The following ZNF532 variants were observed in gnomAD, a reference collection of about 807,000 sequenced individuals.
The protein encoded by ZNF532 is zinc finger protein 532.
Under a neutral mutation model 89.3 loss-of-function variants are expected in ZNF532, and 22 were observed. The observed-to-expected ratio is 0.25, with a 90% CI of 0.18 to 0.35. ZNF532 has a LOEUF of 0.35. ZNF532 is among the 10% of genes least tolerant of loss of function. The pLI, the probability that ZNF532 is intolerant of heterozygous loss-of-function variation, is 1.00. For synonymous variants in ZNF532, 606 were observed against 649.6 expected (o/e 0.93, Z 1.02); for missense variants, 1,132 against 1,643.4 (o/e 0.69, Z 5.38).
At chr18:58,928,487 C>G (rs965844785) in intron 3 of ZNF532, among the ~76,000 whole-genome samples, 1 of 152,202 alleles carries the variant, frequency 6.6e-6, no homozygotes, top group African/African-American at 2.4e-5. Context: ...GCTCGAGGCT[C>G]TCTGCCATAC....
intron 2 of ZNF532, among the ~76,000 whole-genome samples, chr18:58,890,553 C>A: frequency 6.6e-6 from 1 of 151,064 alleles, no homozygotes; most frequent in Middle Eastern, 3.5e-3. Context: ...TGCTCTGTTA[C>A]AGGAATTCTT....
intron 2 of ZNF532, among the ~76,000 whole-genome samples, chr18:58,902,895 C>A (rs2059691007): frequency 1.3e-5 from 2 of 152,176 alleles, no homozygotes; most frequent in East Asian, 3.8e-4. Context: ...CAGTAGGGAA[C>A]CGGTGCCAGC....
intron 2 of ZNF532, among the ~76,000 whole-genome samples, chr18:58,891,882 G>A (rs1242747530): frequency 6.6e-6 from 1 of 152,130 alleles, no homozygotes; most frequent in Non-Finnish European, 1.5e-5. Flanking sequence ...CCTTGAGTTG[G>A]GGGAAGTAGT....
intron 2 of ZNF532, among the ~76,000 whole-genome samples, chr18:58,882,853 T>C (rs750968767): frequency 5.9e-5 from 9 of 152,220 alleles, no homozygotes; most frequent in Non-Finnish European, 1.0e-4. Context: ...AGCCCTGGAT[T>C]CCCACTTTGA....
intron 4 of ZNF532, among the ~76,000 whole-genome samples, chr18:58,935,822 G>A (rs1377791047): frequency 6.6e-6 from 1 of 151,254 alleles, no homozygotes; most frequent in Middle Eastern, 3.2e-3. Flanking sequence ...TGGTAACTTT[G>A]TTAGATTGTT....
intron 2 of ZNF532, among the ~76,000 whole-genome samples, chr18:58,916,059 C>G (rs765786425): frequency 2.0e-5 from 3 of 152,234 alleles, no homozygotes; most frequent in Non-Finnish European, 2.9e-5. Flanking sequence ...TTTTCAGTCC[C>G]TTTCAACCCT....
At position 58,905,423 on chromosome 18, in the gene ZNF532, C is replaced by G. The variant is rs1288803488; in HGVS notation, c.-17-12848C>G. Among the ~76,000 whole-genome samples, 6 of 134,242 alleles carry G rather than the reference C, an allele frequency of 4.5e-5. 1 individual carries two copies. The South Asian group carries it at 1.4e-3, about 32-fold the overall frequency. The allele number at this position is 134,242 out of a possible 152,430, so 88.1% of individuals were successfully genotyped here. ...TCTTTCTTTTTTTTTTTTTTTAAGACAAGGTCTGGCTCTGTTGCCCAGGCT... is the reference window on the plus strand; with the variant it reads ...TCTTTCTTTTTTTTTTTTTTTAAGAGAAGGTCTGGCTCTGTTGCCCAGGCT... On this transcript the variant is annotated intron_variant, in intron 2 of 9. Coordinates refer to ENST00000591808, the MANE Select transcript of ZNF532 (RefSeq NM_001375912.1).
intron 5 of ZNF532, among the ~76,000 whole-genome samples, chr18:58,941,797 T>C (rs1418243685): frequency 6.6e-6 from 1 of 151,848 alleles, no homozygotes; most frequent in Non-Finnish European, 1.5e-5. Context: ...TTTTTTTCTT[T>C]TCTCTTTTCT....
At chr18:58,981,703 C>G in intron 9 of ZNF532, 86 bp downstream of exon 9, 1 of 1,543,240 alleles carries the variant, frequency 6.5e-7, no homozygotes, top group Non-Finnish European at 8.8e-7. Flanking sequence ...GTTTTTGTTG[C>G]ATAGTTACAG....
At chr18:58,881,092 CTTTTTTCT>C (rs1204583913) in intron 2 of ZNF532, among the ~76,000 whole-genome samples, 2 of 151,344 alleles carry the variant, frequency 1.3e-5, no homozygotes, top group African/African-American at 4.8e-5. Flanking sequence ...TGTTTTGCTT[CTTTTTTCT>C]TTTTTTCTTT....
chr18:58,906,763 C>T (rs956015000), intron 2 of ZNF532, among the ~76,000 whole-genome samples: 2 of 152,164 alleles, frequency 1.3e-5, no homozygotes, highest in African/African-American at 4.8e-5. Flanking sequence ...ATTATTATTA[C>T]TTGAAAGAGA....
chr18:58,936,031 A>C (rs2062441074), intron 4 of ZNF532, among the ~76,000 whole-genome samples: 1 of 152,220 alleles, frequency 6.6e-6, no homozygotes, highest in South Asian at 2.1e-4. Context: ...CCAAACTTGT[A>C]ATGCACAAAT....
chr18:58,890,816 A>AAATGGTTCCTCTCCTTCCTTTT (rs2058844480), intron 2 of ZNF532, among the ~76,000 whole-genome samples: 1 of 151,246 alleles, frequency 6.6e-6, no homozygotes, highest in South Asian at 2.1e-4. Flanking sequence ...CCCGGTAGGT[A>AAATGGTTCCTCTCCTTCCTTTT]AATGGTTCCT....
intron 4 of ZNF532, among the ~76,000 whole-genome samples, chr18:58,935,221 C>T (rs2062312581): frequency 1.1e-5 from 1 of 92,812 alleles, no homozygotes. Context: ...CCTTCTCCTC[C>T]CCTCTCCTTC....
At chr18:58,976,557 T>TC (rs5825311) in intron 7 of ZNF532, among the ~76,000 whole-genome samples, 3 of 151,960 alleles carry the variant, frequency 2.0e-5, no homozygotes, top group Non-Finnish European at 4.4e-5. Flanking sequence ...ATTTTTTTTT[T>TC]CTTTTGAGAT....
intron 2 of ZNF532, among the ~76,000 whole-genome samples, chr18:58,898,600 C>T (rs1462199893): frequency 6.6e-6 from 1 of 152,188 alleles, no homozygotes; most frequent in Non-Finnish European, 1.5e-5. Flanking sequence ...CCCCGGCAGC[C>T]CAGCGTGAAT....
chr18:58,979,405 C>T lies in ZNF532; in HGVS notation c.3263+238C>T, dbSNP rs561135813. ...CATACATTGTGTGTTTTTTTTTTCC[C>T]GAGACGGAGTCTCACTCTGTTGCCC... is the stretch of plus-strand genomic sequence containing the variant. On this transcript the variant is annotated intron_variant, in intron 8 of 9. Coordinates refer to ENST00000591808, the MANE Select transcript of ZNF532 (RefSeq NM_001375912.1). 421 of 243,690 alleles carry T rather than the reference C, an allele frequency of 1.7e-3. 2 individuals carry two copies. Among genetic ancestry groups the T allele is most frequent in the Non-Finnish European group, 2.8e-3 (350 of 126,096 alleles). 15.1% of individuals were successfully genotyped at this position (243,690 alleles called of 1,614,324 possible).
At chr18:58,934,341 A>T in intron 3 of ZNF532, 92 bp from the exon 4 acceptor site, 1 of 1,150,616 alleles carries the variant, frequency 8.7e-7, no homozygotes, top group Non-Finnish European at 1.3e-6. Flanking sequence ...GAAATGAAGG[A>T]TGTATAATTA....
intron 4 of ZNF532, among the ~76,000 whole-genome samples, chr18:58,938,727 T>C (rs1392427130): frequency 6.6e-6 from 1 of 152,182 alleles, no homozygotes; most frequent in Non-Finnish European, 1.5e-5. Flanking sequence ...GCCCCTCTGT[T>C]CTTGGCATGC....
Sources: allele counts gnomAD v4.1 joint callset (sites outside exome capture counted in the v4.1 genomes callset), GRCh38; gene constraint gnomAD v4.1.1; transcripts MANE v1.5; gene names NCBI Gene and HGNC (gene_info 2026-07-23, HGNC 2026-07-21).